PPP6R1: variants seen among roughly 807,000 people sequenced by gnomAD.
PPP6R1 encodes the protein protein phosphatase 6 regulatory subunit 1, also known as serine/threonine-protein phosphatase 6 regulatory subunit 1.
PPP6R1 carries 39 observed loss-of-function variants against 104.6 expected under a neutral mutation model. That is an observed-to-expected ratio of 0.37 (90% CI 0.29 to 0.49). The LOEUF (loss-of-function observed/expected upper bound fraction) is 0.49, where lower values mean the gene tolerates loss of function less well. Ranked by LOEUF, PPP6R1 falls within the 20% of genes least tolerant of loss-of-function variation. The pLI is 0.98. For missense variants in PPP6R1, 1,181 were observed against 1,155.8 expected (o/e 1.02, Z -0.32); for synonymous variants, 549 against 479.0 (o/e 1.15, Z -1.91).
In PPP6R1 at chr19:55,230,853, C is replaced by A; in HGVS notation, c.2491G>T (p.Ala831Ser). The change falls in exon 22 of 24, where the codon GCC becomes TCC. Residue 831 changes from alanine (A) to serine (S), a missense_variant. Physicochemically the swap from Ala to Ser is moderately conservative, Grantham distance 99. Around this residue, in one of 2 missense-constraint regions of PPP6R1, gnomAD observed 1,042 missense variants for 955.6 expected, o/e 1.09. Coordinates refer to ENST00000412770, the MANE Select transcript of PPP6R1 (RefSeq NM_014931.4). Reference sequence around the variant, plus strand: ...TGGGGGGGCTGGTGGGCCCCGGAGGCTGGGACAGAGGTAGAGGGGTCTCTG... The same window carrying A: ...TGGGGGGGCTGGTGGGCCCCGGAGGATGGGACAGAGGTAGAGGGGTCTCTG... The part of the protein sequence containing the change: ...ATRDPSTSVP[A>S]SGAHQPPQTT... The A allele has an allele frequency of 6.2e-7, 1 of 1,606,928 alleles. No individual in the cohort carries two copies. The highest frequency in any genetic ancestry group is 8.5e-7 in the Non-Finnish European group (1 of 1,179,436).
At chr19:55,238,911 C>T (rs1236520344) in intron 15 of PPP6R1, 1 of 164,622 alleles carries the variant, frequency 6.1e-6, no homozygotes, top group East Asian at 1.8e-4. Context: ...CAAATCAAAA[C>T]AAGCAGAATT....
downstream of PPP6R1, chr19:55,229,698 G>A (rs1423967250): frequency 1.3e-5 from 2 of 152,246 alleles, no homozygotes; most frequent in African/African-American, 4.8e-5. Context: ...ACTGGGTCAG[G>A]AGCACCCCCA....
intron 1 of PPP6R1, among the ~76,000 whole-genome samples, chr19:55,249,345 G>A (rs1488403959): frequency 2.0e-5 from 3 of 152,266 alleles, no homozygotes; most frequent in Admixed American, 2.0e-4. Flanking sequence ...GGGTTCAGGC[G>A]ATTCTTCCGC....
At position 55,230,690 on chromosome 19, in the gene PPP6R1, A is replaced by T; in HGVS notation, c.2571-6T>A. The T allele has an allele frequency of 6.3e-7, 1 of 1,576,422 alleles. No individual in the cohort carries two copies. Among genetic ancestry groups the T allele is most frequent in the Admixed American group, 1.8e-5 (1 of 54,828 alleles). On this transcript the variant is annotated splice_polypyrimidine_tract_variant and splice_region_variant and intron_variant, in intron 22 of 23. Coordinates refer to ENST00000412770, the MANE Select transcript of PPP6R1 (RefSeq NM_014931.4). ...GAGGCGTGAGGGCCTGGGCACTGTC[A>T]GGGGAGAGAGGGGATGTGCAGAGGT...
chr19:55,245,827 G>A lies in PPP6R1; in HGVS notation c.228-149C>T. On this transcript the variant is annotated intron_variant, in intron 2 of 23. Coordinates refer to ENST00000412770, the MANE Select transcript of PPP6R1 (RefSeq NM_014931.4). The surrounding 1 kb of genome is among the most constrained non-coding windows in gnomAD (Gnocchi z 6.4). ...GGAAGGGGAAAGGGCAGAGGACAGG[G>A]TGACGCAGAAACAAGGGCCCACACC... 4.3e-6 allele frequency: 3 copies of A among 698,958 alleles called. No individual in the cohort carries two copies. The highest frequency in any genetic ancestry group is 7.1e-6 in the Non-Finnish European group (3 of 423,296). 43.3% of individuals were successfully genotyped at this position (698,958 alleles called of 1,614,324 possible). A position where few individuals can be genotyped will look rare whatever the true frequency, so the allele number is the denominator to read the frequency against.
Position 55,241,764 on chromosome 19 carries a change from G to A in PPP6R1, c.846-125C>T, listed in dbSNP as rs1269646673. 4.8e-5 allele frequency: 58 copies of A among 1,212,500 alleles called. No individual in the cohort carries two copies. Among genetic ancestry groups the A allele is most frequent in the Non-Finnish European group, 5.7e-5 (51 of 888,378 alleles). 75.1% of individuals were successfully genotyped at this position (1,212,500 alleles called of 1,614,324 possible). A position where few individuals can be genotyped will look rare whatever the true frequency, so the allele number is the denominator to read the frequency against. ...CGAGGAGCCACATGCCCCCAGCGCC[G>A]CTCTCTTCTGAGGCCCTTCAGACAA... On this transcript the variant is annotated intron_variant, in intron 7 of 23. Coordinates refer to ENST00000412770, the MANE Select transcript of PPP6R1 (RefSeq NM_014931.4). This position sits in a 1 kb window ranked among gnomAD's most constrained non-coding sequence, Gnocchi z 5.4.
intron 1 of PPP6R1, chr19:55,255,681 T>A (rs1439638488): frequency 6.6e-6 from 1 of 152,402 alleles, no homozygotes; most frequent in Non-Finnish European, 1.5e-5. Flanking sequence ...TCACCTCATC[T>A]CTTGCTACCT....
intron 1 of PPP6R1, among the ~76,000 whole-genome samples, chr19:55,248,398 C>T (rs1369233586): frequency 2.0e-5 from 3 of 152,248 alleles, no homozygotes; most frequent in African/African-American, 7.2e-5. Context: ...AAGACACTGA[C>T]CAGAGCTCAC....
In PPP6R1 at chr19:55,230,342, C is replaced by T; in HGVS notation, c.*186G>A. On this transcript the variant is annotated 3_prime_UTR_variant, in exon 24 of 24. Transcript: ENST00000412770. ...GAGGCAACGCTCCAAAACTTCTCTTCTCAGTGCAAATGGGGGTGGGTTGGG... is the reference window on the plus strand; with the variant it reads ...GAGGCAACGCTCCAAAACTTCTCTTTTCAGTGCAAATGGGGGTGGGTTGGG... 2.7e-6 allele frequency: 2 copies of T among 752,136 alleles called. No individual in the cohort carries two copies. The highest frequency in any genetic ancestry group is 2.7e-5 in the East Asian group (1 of 37,028). 46.6% of individuals were successfully genotyped at this position (752,136 alleles called of 1,614,324 possible). A position where few individuals can be genotyped will look rare whatever the true frequency, so the allele number is the denominator to read the frequency against.
rs757241864 is a variant in PPP6R1, at chr19:55,245,567, G to A, written c.339C>T (p.Thr113=). 37 of 1,612,128 alleles carry A rather than the reference G, an allele frequency of 2.3e-5. No homozygotes were observed. Among genetic ancestry groups the A allele is most frequent in the Middle Eastern group, 1.7e-4 (1 of 5,994 alleles). The part of the protein sequence containing the change: ...LNRLYGFLQS[T]GSLNPLLASF... Reference sequence around the variant, plus strand: ...TGGCCAGCAGTGGGTTGAGGCTGCCGGTGCTCTGCAGGAAGCCGTAGAGCC... The same window carrying A: ...TGGCCAGCAGTGGGTTGAGGCTGCCAGTGCTCTGCAGGAAGCCGTAGAGCC... Residue 113 remains threonine (T), a synonymous_variant, in exon 3 of 24, where the codon ACC becomes ACT. Coordinates refer to ENST00000412770, the MANE Select transcript of PPP6R1 (RefSeq NM_014931.4). The surrounding 1 kb of genome is among the most constrained non-coding windows in gnomAD (Gnocchi z 6.4).
intron 1 of PPP6R1, among the ~76,000 whole-genome samples, chr19:55,247,704 C>G (rs932866421): frequency 6.6e-6 from 1 of 152,204 alleles, no homozygotes; most frequent in African/African-American, 2.4e-5. Flanking sequence ...GGGGCGGCGG[C>G]AGGGGGAAGA....
Position 55,239,870 on chromosome 19 carries a change from A to C in PPP6R1, c.1519T>G (p.Ser507Ala), listed in dbSNP as rs115694218. The change falls in exon 13 of 24, where the codon TCG (serine) becomes GCG (alanine). Residue 507 changes from serine (S) to alanine (A), a missense_variant. Physicochemically the swap from Ser to Ala is moderately conservative, Grantham distance 99 (BLOSUM62 1). Transcript: ENST00000412770. ...TTGTTGGTCTCCGCCAGGGGCCCCG[A>C]TACGAAGGCTTCCCACTGCTCCTGC... ...EQQEQWEAFVSGPLAETNKKN... is the reference protein window; with the variant it reads ...EQQEQWEAFVAGPLAETNKKN... 19,381 of 1,613,858 alleles carry C rather than the reference A, an allele frequency of 0.012. 493 individuals carry two copies. Among genetic ancestry groups the C allele is most frequent in the African/African-American group, 0.099 (7,461 of 75,010 alleles).
rs766094000 is a variant in PPP6R1 at position 55,239,586 on chromosome 19, A to G, written c.1653+8T>C. On this transcript the variant is annotated splice_region_variant and intron_variant, in intron 14 of 23. Transcript: ENST00000412770. The stretch of plus-strand genomic sequence containing the variant: ...GCCCAGCACAGCCCCACATAGCCCC[A>G]CGCCCACCTGCTGCAGCACAGCCTC... 3 of 1,610,576 alleles carry G rather than the reference A, an allele frequency of 1.9e-6. No individual in the cohort carries two copies. In the Admixed American group the frequency reaches 5.0e-5, roughly 27 times the overall value.
At chr19:55,239,316 G>A (rs529189390) in intron 15 of PPP6R1, 89 bp downstream of exon 15, 139 of 1,305,574 alleles carry the variant, frequency 1.1e-4, no homozygotes, top group Non-Finnish European at 1.5e-4. Flanking sequence ...CACAGGGCAT[G>A]TAGGTGCGTG....
At chr19:55,253,414 G>T (rs1372598785) in intron 1 of PPP6R1, among the ~76,000 whole-genome samples, 1 of 152,174 alleles carries the variant, frequency 6.6e-6, no homozygotes, top group South Asian at 2.1e-4. Flanking sequence ...CCTACCCCTG[G>T]TACAGACTAA....
intron 5 of PPP6R1, among the ~76,000 whole-genome samples, chr19:55,244,007 G>A (rs749585628): frequency 4.6e-5 from 7 of 152,168 alleles, no homozygotes; most frequent in South Asian, 2.1e-4. Context: ...CCCTAAAAGC[G>A]CTGAATCGTA....
intron 1 of PPP6R1, among the ~76,000 whole-genome samples, chr19:55,252,638 G>C (rs562547989): frequency 6.6e-6 from 1 of 152,156 alleles, no homozygotes; most frequent in East Asian, 1.9e-4. Context: ...CTGACCTTGT[G>C]ATCCGCCTGC....
chr19:55,236,488 A>T, intron 17 of PPP6R1, 155 bp downstream of exon 17: 1 of 813,206 alleles, frequency 1.2e-6, no homozygotes, highest in Non-Finnish European at 1.8e-6. Flanking sequence ...GATTTCTATC[A>T]CTCAAAAGTG....
chr19:55,231,107 G>A (rs1170461441), intron 21 of PPP6R1, among the ~76,000 whole-genome samples: 1 of 152,158 alleles, frequency 6.6e-6, no homozygotes, highest in Non-Finnish European at 1.5e-5. Context: ...CTGTGGAGGA[G>A]GTACTCGAGG....
Sources: gnomAD v4.1 joint callset for allele counts (sites outside exome capture counted in the v4.1 genomes callset) on GRCh38, gnomAD v4.1.1 for gene constraint, gnomAD v4.1.1 regional missense constraint, Gnocchi (gnomAD v3.1) non-coding constraint, MANE v1.5 for transcripts, NCBI Gene and HGNC (gene_info 2026-07-23, HGNC 2026-07-21) for gene names.